DUSP16: variants seen among roughly 807,000 people sequenced by gnomAD.
DUSP16 encodes dual specificity phosphatase 16.
DUSP16 carries 21 observed loss-of-function variants against 58.3 expected under a neutral mutation model. That is an observed-to-expected ratio of 0.36 (90% confidence interval 0.26 to 0.52). DUSP16 has a LOEUF of 0.52. Ranked by LOEUF, DUSP16 falls within the 20% of genes least tolerant of loss-of-function variation. The pLI is 0.94. For missense variants in DUSP16, 726 were observed against 819.0 expected (o/e 0.89, Z 1.39); for synonymous variants, 320 against 323.8 (o/e 0.99, Z 0.12).
intron 1 of DUSP16, among the ~76,000 whole-genome samples, chr12:12,547,332 G>A (rs1301321480): frequency 6.6e-6 from 1 of 151,848 alleles, no homozygotes; most frequent in East Asian, 1.9e-4. Context: ...GGGAGGCTGA[G>A]GCAGGAGAAT....
intron 1 of DUSP16, among the ~76,000 whole-genome samples, chr12:12,523,396 CAG>C (rs1431088352): frequency 1.3e-5 from 2 of 152,182 alleles, no homozygotes; most frequent in African/African-American, 4.8e-5. Flanking sequence ...CAGATAAAAA[CAG>C]ATGTAATTCC....
intron 4 of DUSP16, among the ~76,000 whole-genome samples, chr12:12,492,453 A>G (rs1367841491): frequency 6.6e-6 from 1 of 152,048 alleles, no homozygotes; most frequent in Non-Finnish European, 1.5e-5. Context: ...CGTAAGGCCA[A>G]TCCCTCCGCT....
At chr12:12,500,480 T>C (rs376727482) in intron 4 of DUSP16, 39 bp downstream of exon 4, 463 of 1,570,498 alleles carry the variant, frequency 2.9e-4, no homozygotes, top group Non-Finnish European at 3.6e-4. Flanking sequence ...CAGCTAACAA[T>C]ATAAACCCAG....
At chr12:12,547,832 A>T (rs577084059) in intron 1 of DUSP16, among the ~76,000 whole-genome samples, 4 of 152,206 alleles carry the variant, frequency 2.6e-5, no homozygotes, top group African/African-American at 9.7e-5. Context: ...ATTCCAAGGA[A>T]ATCTTAGACA....
intron 1 of DUSP16, among the ~76,000 whole-genome samples, chr12:12,550,338 C>T (rs188298072): frequency 6.6e-6 from 1 of 151,600 alleles, no homozygotes; most frequent in Admixed American, 6.6e-5. Context: ...TACTAGTTTA[C>T]ACCAGCAGTT....
At chr12:12,490,653 C>T (rs11054931) in intron 4 of DUSP16, among the ~76,000 whole-genome samples, 11,319 of 152,148 alleles carry the variant, frequency 0.074, 876 homozygotes, top group East Asian at 0.39. Flanking sequence ...GACTGGAGTT[C>T]GTAAGCAAAT....
chr12:12,553,446 T>TA (rs1272565607), intron 1 of DUSP16, among the ~76,000 whole-genome samples: 1 of 152,234 alleles, frequency 6.6e-6, no homozygotes, highest in East Asian at 1.9e-4. Flanking sequence ...CTTCCAAGGA[T>TA]AAAAGAGACA....
chr12:12,489,154 T>C (rs1943727123), intron 4 of DUSP16, among the ~76,000 whole-genome samples: 1 of 152,218 alleles, frequency 6.6e-6, no homozygotes, highest in Non-Finnish European at 1.5e-5. Context: ...ATCTCTGAGA[T>C]GACAATGTCA....
intron 1 of DUSP16, among the ~76,000 whole-genome samples, chr12:12,531,819 C>T (rs1049000097): frequency 3.3e-5 from 5 of 151,490 alleles, no homozygotes; most frequent in Admixed American, 6.6e-5. Context: ...TGCAGTGAGC[C>T]GAGATCACAC....
At chr12:12,490,742 A>C (rs1419209776) in intron 4 of DUSP16, among the ~76,000 whole-genome samples, 1 of 152,110 alleles carries the variant, frequency 6.6e-6, no homozygotes, top group East Asian at 1.9e-4. Flanking sequence ...ATCAGTGCCA[A>C]AGCCTTCTAG....
chr12:12,562,029 G>A (rs1377315513), intron 1 of DUSP16, 88 bp downstream of exon 1: 1 of 150,022 alleles, frequency 6.7e-6, no homozygotes, highest in Non-Finnish European at 1.5e-5. Flanking sequence ...GGCGCGCTGC[G>A]GAGCGTCCAT....
intron 3 of DUSP16, chr12:12,505,972 A>G (rs891773883): frequency 5.3e-5 from 8 of 152,218 alleles, no homozygotes; most frequent in African/African-American, 1.9e-4. Context: ...ACTGGCTCCC[A>G]GTCACTTCCA....
At chr12:12,542,871 C>A (rs549623772) in intron 1 of DUSP16, among the ~76,000 whole-genome samples, 2 of 151,922 alleles carry the variant, frequency 1.3e-5, no homozygotes, top group Non-Finnish European at 2.9e-5. Context: ...GAAACTGGGG[C>A]CTTTAGAGGG....
intron 1 of DUSP16, among the ~76,000 whole-genome samples, chr12:12,548,277 C>A (rs552642317): frequency 6.6e-6 from 1 of 152,282 alleles, no homozygotes; most frequent in South Asian, 2.1e-4. Context: ...CATCACCAAT[C>A]ACCAGAGAAA....
At chr12:12,524,503 C>T (rs1489846749) in intron 1 of DUSP16, among the ~76,000 whole-genome samples, 1 of 152,234 alleles carries the variant, frequency 6.6e-6, no homozygotes, top group African/African-American at 2.4e-5. Flanking sequence ...ATCTCCATCA[C>T]TGGCTATGAG....
In DUSP16 at chr12:12,477,985, A is replaced by G; in HGVS notation, c.846T>C (p.Ser282=). The change falls in exon 7 of 7, where the codon TCT becomes TCC. Residue 282 remains serine, a synonymous_variant. Transcript: ENST00000298573. This position sits in a 1 kb window ranked among gnomAD's most constrained non-coding sequence, Gnocchi z 4.1. ...GTTGGCCCAGAAAATTGAAGTTTGG[A>G]GATATAGTAGGTCTTTTTTCTTTCA... The part of the protein sequence containing the change: ...RFVKEKRPTI[S]PNFNFLGQLL... 6.2e-7 allele frequency: 1 copy of G among 1,602,176 alleles called. No homozygotes were observed. The highest frequency in any genetic ancestry group is 1.7e-5 in the Admixed American group (1 of 58,042).
At chr12:12,509,890 C>T (rs1429151795) in intron 3 of DUSP16, among the ~76,000 whole-genome samples, 2 of 152,008 alleles carry the variant, frequency 1.3e-5, no homozygotes, top group Non-Finnish European at 2.9e-5. Context: ...ATTCCTAGAC[C>T]ACAATGCCCC....
Position 12,473,582 on chromosome 12 carries a change from CTT to C in DUSP16, c.*3249_*3250del, listed in dbSNP as rs1273723602. ...TCTAGTCTAGCTCACCCGGCCCAAT[CTT>C]TCTTATAAATTTTCTTAAATGTAAC... On this transcript the variant is annotated 3_prime_UTR_variant, in exon 7 of 7. Transcript: ENST00000298573. Among the ~76,000 whole-genome samples, 1 of 152,182 alleles carries C rather than the reference CTT, an allele frequency of 6.6e-6. No individual in the cohort carries two copies. The highest frequency in any genetic ancestry group is 2.4e-5 in the African/African-American group (1 of 41,448).
Position 12,487,178 on chromosome 12 carries a change from G to C in DUSP16, c.541C>G (p.Gln181Glu). 1 of 1,613,924 alleles carries C rather than the reference G, an allele frequency of 6.2e-7. No individual in the cohort carries two copies. The highest frequency in any genetic ancestry group is 8.5e-7 in the Non-Finnish European group (1 of 1,179,876). Residue 181 changes from glutamine (Q) to glutamate (E), a missense_variant, in exon 5 of 7, where the codon CAG (glutamine) becomes GAG (glutamate). Physicochemically the swap from Gln to Glu is conservative, Grantham distance 29. Transcript: ENST00000298573. ...QRDVLNKELMQQNGIGYVLNA... is the reference protein window; with the variant it reads ...QRDVLNKELMEQNGIGYVLNA... ...AACACATAACCAATCCCATTCTGCT[G>C]CATCAGCTCCTATGGAGAGAAAGAG...
Sources: allele counts gnomAD v4.1 joint callset (sites outside exome capture counted in the v4.1 genomes callset), GRCh38; gene constraint gnomAD v4.1.1; non-coding constraint Gnocchi (gnomAD v3.1); transcripts MANE v1.5; gene names NCBI Gene and HGNC (gene_info 2026-07-23, HGNC 2026-07-21).